The following GRK5 variants were observed in gnomAD, a reference collection of about 807,000 sequenced individuals.
GRK5 encodes the protein g protein-coupled receptor kinase GRK5.
A neutral mutation model predicts 78.4 loss-of-function variants in GRK5; 40 were observed. That is an observed-to-expected ratio of 0.51 (90% CI 0.40 to 0.66). The LOEUF (loss-of-function observed/expected upper bound fraction) is 0.66. Ranked by LOEUF, GRK5 falls within the 30% of genes least tolerant of loss-of-function variation. The pLI is 0.00. For missense variants in GRK5, 598 were observed against 759.9 expected, an observed-to-expected ratio of 0.79 and a Z score of 2.50; for synonymous variants, 289 against 296.8, an observed-to-expected ratio of 0.97 and a Z score of 0.27.
chr10:119,240,784 G>T (rs1045967904), intron 1 of GRK5, among the ~76,000 whole-genome samples: 1 of 151,802 alleles, frequency 6.6e-6, no homozygotes, highest in Non-Finnish European at 1.5e-5. Flanking sequence ...GTCTCACCAC[G>T]TATCCCAGTC....
intron 1 of GRK5, among the ~76,000 whole-genome samples, chr10:119,210,484 T>A (rs1848469687): frequency 6.6e-6 from 1 of 152,206 alleles, no homozygotes; most frequent in Non-Finnish European, 1.5e-5. Flanking sequence ...TTCTCAGTTC[T>A]CATATATTTG....
chr10:119,448,184 A>G lies in GRK5; in HGVS notation c.1328A>G (p.Lys443Arg). The change falls in exon 13 of 16, where the codon AAG (lysine) becomes AGG (arginine). Residue 443 changes from lysine (K) to arginine (R), a missense_variant. Physicochemically the swap from Lys to Arg is conservative, Grantham distance 26 (BLOSUM62 2). Transcript: ENST00000392870. Reference protein sequence around the residue: ...GCQEEGAAEVKRHPFFRNMNF... With the variant: ...GCQEEGAAEVRRHPFFRNMNF... ...CAGGAGGAGGGGGCTGCAGAGGTCAAGAGACACCCCTTCTTCAGGAACATG... is the reference window on the plus strand; with the variant it reads ...CAGGAGGAGGGGGCTGCAGAGGTCAGGAGACACCCCTTCTTCAGGAACATG... 1 of 1,589,372 alleles carries G rather than the reference A, an allele frequency of 6.3e-7. No individual in the cohort carries two copies. Among genetic ancestry groups the G allele is most frequent in the Non-Finnish European group, 8.5e-7 (1 of 1,170,138 alleles).
intron 2 of GRK5, among the ~76,000 whole-genome samples, chr10:119,363,825 G>A (rs1851402168): frequency 6.6e-6 from 1 of 152,252 alleles, no homozygotes; most frequent in Admixed American, 6.5e-5. Flanking sequence ...CCTAGCTGCA[G>A]AGGTGGCAGG....
At chr10:119,436,512 C>T in intron 8 of GRK5, 139 bp from the exon 9 acceptor site, 1 of 799,064 alleles carries the variant, frequency 1.3e-6, no homozygotes, top group Non-Finnish European at 2.0e-6. Context: ...AGGGTCACCG[C>T]AGAGGCCATC....
intron 4 of GRK5, among the ~76,000 whole-genome samples, chr10:119,400,257 G>A (rs1028385254): frequency 3.0e-4 from 45 of 152,364 alleles, no homozygotes; most frequent in African/African-American, 1.0e-3. Context: ...GCTCAGGGAA[G>A]TGTGGGGTCA....
chr10:119,345,237 G>A (rs4752294), intron 2 of GRK5, among the ~76,000 whole-genome samples: 80,204 of 151,864 alleles, frequency 0.53, 21,749 homozygotes, highest in Admixed American at 0.61. Context: ...CAAAGTGCTG[G>A]GATTACAGGC....
At chr10:119,318,876 A>G (rs1223954397) in intron 1 of GRK5, among the ~76,000 whole-genome samples, 1 of 152,118 alleles carries the variant, frequency 6.6e-6, no homozygotes, top group Non-Finnish European at 1.5e-5. Context: ...TCCCCCACCA[A>G]GACAGCCTCT....
At position 119,455,268 on chromosome 10, in the gene GRK5, C is replaced by T. The variant is rs752781343; in HGVS notation, c.*201C>T. 41 of 699,050 alleles carry T rather than the reference C, an allele frequency of 5.9e-5. 1 individual carries two copies. The highest frequency in any genetic ancestry group is 4.9e-4 in the South Asian group (33 of 66,738). 43.3% of individuals were successfully genotyped at this position (699,050 alleles called of 1,614,324 possible). ...TCAGGTCTGTTTTCCGAGGCGGCCC[C>T]GGCCGGGGTGGATTGGATTTGTCTT... On this transcript the variant is annotated 3_prime_UTR_variant, in exon 16 of 16. Coordinates refer to ENST00000392870, the MANE Select transcript of GRK5 (RefSeq NM_005308.3).
intron 1 of GRK5, among the ~76,000 whole-genome samples, chr10:119,276,415 A>G (rs555852071): frequency 6.8e-4 from 104 of 152,256 alleles, no homozygotes; most frequent in South Asian, 1.5e-3. Context: ...CCATGTCCCT[A>G]CAAAGGACAT....
At chr10:119,233,512 T>C (rs1418036137) in intron 1 of GRK5, among the ~76,000 whole-genome samples, 12 of 152,078 alleles carry the variant, frequency 7.9e-5, no homozygotes, top group Non-Finnish European at 1.5e-5. Context: ...CAAAGGCTGA[T>C]GGGGTGGGGG....
intron 1 of GRK5, among the ~76,000 whole-genome samples, chr10:119,213,471 A>G (rs966697049): frequency 2.0e-5 from 3 of 152,212 alleles, no homozygotes; most frequent in African/African-American, 4.8e-5. Context: ...GTATTGCACC[A>G]CCGTACTCCG....
intron 1 of GRK5, among the ~76,000 whole-genome samples, chr10:119,242,401 A>G (rs943758648): frequency 6.6e-6 from 1 of 151,650 alleles, no homozygotes. Context: ...CATTGACGTC[A>G]GGAAGGCAGT....
At chr10:119,222,387 G>C (rs1263878821) in intron 1 of GRK5, among the ~76,000 whole-genome samples, 1 of 152,046 alleles carries the variant, frequency 6.6e-6, no homozygotes, top group Non-Finnish European at 1.5e-5. Flanking sequence ...TCCAAGTGCT[G>C]CCTGTGCTGG....
At chr10:119,418,835 G>C (rs993380476) in intron 4 of GRK5, among the ~76,000 whole-genome samples, 1 of 152,132 alleles carries the variant, frequency 6.6e-6, no homozygotes, top group Non-Finnish European at 1.5e-5. Context: ...TTTTACCAAC[G>C]AGCACCACCA....
intron 1 of GRK5, among the ~76,000 whole-genome samples, chr10:119,313,259 GGTGGTGGTAATA>G (rs1850426018): frequency 3.3e-5 from 5 of 150,578 alleles, no homozygotes; most frequent in Admixed American, 6.6e-5. Flanking sequence ...TGGTGGTGAT[GGTGGTGGTAATA>G]GTGGTGATGG....
At chr10:119,405,605 C>A (rs765622079) in intron 4 of GRK5, among the ~76,000 whole-genome samples, 2 of 151,022 alleles carry the variant, frequency 1.3e-5, no homozygotes, top group African/African-American at 4.9e-5. Context: ...AACAAACCCA[C>A]GCAGGCTGGG....
At chr10:119,326,669 C>A (rs1186581797) in intron 2 of GRK5, 58 bp downstream of exon 2, 2 of 1,368,114 alleles carry the variant, frequency 1.5e-6, no homozygotes, top group South Asian at 1.2e-5. Context: ...TCCGCCAAGC[C>A]GTTTGTGCAT....
rs780949224 is a variant in GRK5 at position 119,396,686 on chromosome 10, C to G, written c.262-9C>G. 1.9e-5 allele frequency: 31 copies of G among 1,605,966 alleles called. No individual in the cohort carries two copies. The East Asian group carries it at 6.9e-4, about 36-fold the overall frequency. ...CCTGTTATTGTTCTTTTTTCTCCTT[C>G]TGTTTTAGGCAGAATATGAAGTTAC... On this transcript the variant is annotated splice_polypyrimidine_tract_variant and intron_variant, in intron 3 of 15. Coordinates refer to ENST00000392870, the MANE Select transcript of GRK5 (RefSeq NM_005308.3).
At chr10:119,283,588 A>T (rs139444632) in intron 1 of GRK5, among the ~76,000 whole-genome samples, 4 of 152,324 alleles carry the variant, frequency 2.6e-5, no homozygotes, top group South Asian at 4.1e-4. Flanking sequence ...CTCTGGCAAA[A>T]ATGCAAGTAC....
Sources: gnomAD v4.1 joint callset for allele counts (sites outside exome capture counted in the v4.1 genomes callset) on GRCh38, gnomAD v4.1.1 for gene constraint, MANE v1.5 for transcripts, NCBI Gene and HGNC (gene_info 2026-07-23, HGNC 2026-07-21) for gene names.